CAMSAP1: variants seen among roughly 807,000 people sequenced by gnomAD.
CAMSAP1 encodes the protein calmodulin regulated spectrin associated protein 1, also known as calmodulin-regulated spectrin-associated protein 1.
CAMSAP1 carries 58 observed loss-of-function variants against 143.5 expected under a neutral mutation model. The ratio of observed to expected loss-of-function variants is 0.40; its 90% CI spans 0.33 to 0.50. The LOEUF is 0.50. CAMSAP1 is among the 20% of genes least tolerant of loss of function. CAMSAP1 has a pLI of 0.45. For missense variants in CAMSAP1, 1,969 were observed against 2,115.7 expected (o/e 0.93, Z 1.36); for synonymous variants, 945 against 859.3 (o/e 1.10, Z -1.74).
At chr9:135,855,797 A>C (rs929594601) in intron 5 of CAMSAP1, among the ~76,000 whole-genome samples, 3 of 150,104 alleles carry the variant, frequency 2.0e-5, no homozygotes, top group Non-Finnish European at 4.4e-5. Flanking sequence ...TCACGCCTGT[A>C]ATCCCAGCAC....
At chr9:135,884,069 G>A (rs1838046317) in intron 1 of CAMSAP1, among the ~76,000 whole-genome samples, 1 of 152,170 alleles carries the variant, frequency 6.6e-6, no homozygotes, top group African/African-American at 2.4e-5. Flanking sequence ...GATGTCTGCA[G>A]TCAGACACAT....
chr9:135,817,798 G>A (rs1245052011), intron 14 of CAMSAP1, 179 bp downstream of exon 14: 2 of 596,340 alleles, frequency 3.4e-6, no homozygotes, highest in Non-Finnish European at 5.9e-6. Context: ...ACCAGCTGGG[G>A]AGCCCGTGTG....
intron 7 of CAMSAP1, among the ~76,000 whole-genome samples, chr9:135,828,438 A>G (rs1478705794): frequency 1.3e-5 from 2 of 152,194 alleles, no homozygotes; most frequent in African/African-American, 2.4e-5. Flanking sequence ...GCAACATGTG[A>G]CCAAAAGCCA....
At chr9:135,893,177 AAAG>A (rs1349732936) in intron 1 of CAMSAP1, among the ~76,000 whole-genome samples, 1 of 151,940 alleles carries the variant, frequency 6.6e-6, no homozygotes, top group African/African-American at 2.4e-5. Flanking sequence ...TGAAAGAAGA[AAAG>A]AAGAGAAGAG....
intron 7 of CAMSAP1, among the ~76,000 whole-genome samples, chr9:135,828,919 G>A (rs1335750922): frequency 6.6e-6 from 1 of 152,050 alleles, no homozygotes; most frequent in Non-Finnish European, 1.5e-5. Context: ...CTGAAAGGAC[G>A]GGAAAAAACC....
chr9:135,837,420 C>A (rs1344784530), intron 7 of CAMSAP1, among the ~76,000 whole-genome samples: 2 of 148,624 alleles, frequency 1.3e-5, no homozygotes, highest in Non-Finnish European at 3.0e-5. Context: ...CACGTCATCA[C>A]GCGCTTTCTA....
intron 7 of CAMSAP1, among the ~76,000 whole-genome samples, chr9:135,838,679 TACAG>T (rs1164793894): frequency 6.6e-6 from 1 of 150,760 alleles, no homozygotes; most frequent in Non-Finnish European, 1.5e-5. Context: ...CCACCCGTTC[TACAG>T]ACACACGTCA....
intron 5 of CAMSAP1, among the ~76,000 whole-genome samples, chr9:135,853,580 TC>T (rs1836851958): frequency 6.6e-6 from 1 of 152,230 alleles, no homozygotes; most frequent in South Asian, 2.1e-4. Flanking sequence ...GTTTCAGTCT[TC>T]TCCCAAGAGA....
rs1588443055 is a variant in CAMSAP1, at chr9:135,820,325, CACTG to C, written c.3822+510_3822+513del. Among the ~76,000 whole-genome samples, 2 of 152,170 alleles carry C rather than the reference CACTG, an allele frequency of 1.3e-5. No individual in the cohort carries two copies. Among genetic ancestry groups the C allele is most frequent in the Admixed American group, 1.3e-4 (2 of 15,282 alleles). ...ACGTCACAGCAAACATCATGTGACG[CACTG>C]ACTATTAAAACAGTTCAGTTTACGC... is the stretch of plus-strand genomic sequence containing the variant. On this transcript the variant is annotated intron_variant, in intron 11 of 16. Coordinates refer to ENST00000389532, the MANE Select transcript of CAMSAP1 (RefSeq NM_015447.4). This position sits in a 1 kb window ranked among gnomAD's most constrained non-coding sequence, Gnocchi z 4.4.
intron 3 of CAMSAP1, among the ~76,000 whole-genome samples, chr9:135,875,579 C>G (rs1837714948): frequency 6.6e-6 from 1 of 152,148 alleles, no homozygotes; most frequent in Non-Finnish European, 1.5e-5. Context: ...TCAAGTATTC[C>G]TATAAACCAG....
intron 3 of CAMSAP1, among the ~76,000 whole-genome samples, chr9:135,872,999 G>A (rs189999866): frequency 2.2e-3 from 338 of 152,290 alleles, no homozygotes; most frequent in Non-Finnish European, 3.0e-3. Context: ...AATCTGAACT[G>A]ACACTGAAGA....
In CAMSAP1 at chr9:135,822,282, G is replaced by A; in HGVS notation, c.2379C>T (p.Ser793=). 6.2e-7 allele frequency: 1 copy of A among 1,613,960 alleles called. No homozygotes were observed. Among genetic ancestry groups the A allele is most frequent in the Non-Finnish European group, 8.5e-7 (1 of 1,179,896 alleles). The stretch of plus-strand genomic sequence containing the variant: ...TCTGAGAGGCTGTGCTCAGGCAGGG[G>A]CTCGAGCGGCCGCTGGCGTCATCTT... ...EDKDDASGRS[S]PCLSTASQMS... Residue 793 remains serine (S), a synonymous_variant, in exon 11 of 17, where the codon AGC becomes AGT. Coordinates refer to ENST00000389532, the MANE Select transcript of CAMSAP1 (RefSeq NM_015447.4). The surrounding 1 kb of genome is among the most constrained non-coding windows in gnomAD (Gnocchi z 6.1).
At position 135,822,474 on chromosome 9, in the gene CAMSAP1, C is replaced by T; in HGVS notation, c.2187G>A (p.Glu729=). The change falls in exon 11 of 17, where the codon GAG becomes GAA. Residue 729 remains glutamate, a synonymous_variant. Coordinates refer to ENST00000389532, the MANE Select transcript of CAMSAP1 (RefSeq NM_015447.4). The surrounding 1 kb of genome is among the most constrained non-coding windows in gnomAD (Gnocchi z 6.1). ...CSKSPNSHDS[E]PWTLLRQDSD... ...AATCCTGCCTGAGGAGAGTCCACGG[C>T]TCTGAATCGTGGGAGTTGGGGCTTT... is the stretch of plus-strand genomic sequence containing the variant. 1 of 1,613,966 alleles carries T rather than the reference C, an allele frequency of 6.2e-7. No homozygotes were observed. The highest frequency in any genetic ancestry group is 1.3e-5 in the African/African-American group (1 of 75,068).
Position 135,822,574 on chromosome 9 carries a change from G to A in CAMSAP1, c.2087C>T (p.Ser696Phe), listed in dbSNP as rs757622879. 3.7e-6 allele frequency: 6 copies of A among 1,613,484 alleles called. No homozygotes were observed. In the East Asian group the frequency reaches 1.1e-4, roughly 30 times the overall value. ...TACATGAAGGAAGAAGCCATCCGTG[G>A]ATGGTCCCTGGGGGAACGGATCGAA... ...GGFDPFPQGPSTDGFFLHVGR... is the reference protein window; with the variant it reads ...GGFDPFPQGPFTDGFFLHVGR... Residue 696 changes from serine to phenylalanine, a missense_variant, in exon 11 of 17, where the codon TCC becomes TTC. Around this residue, in one of 4 missense-constraint regions of CAMSAP1, gnomAD observed 1,390 missense variants for 1,420.8 expected, o/e 0.98. Transcript: ENST00000389532. The surrounding 1 kb of genome is among the most constrained non-coding windows in gnomAD (Gnocchi z 6.1).
chr9:135,823,181 T>G lies in CAMSAP1; in HGVS notation c.1480A>C (p.Ser494Arg), dbSNP rs747109124. The G allele has an allele frequency of 1.2e-6, 2 of 1,601,540 alleles. No individual in the cohort carries two copies. The highest frequency in any genetic ancestry group is 2.2e-5 in the South Asian group (2 of 89,458). ...TCTTTGCTGATGGAGCGGGCCAAGC[T>G]GATGCTGTCGCCAGAGCTGGGATCC... ...EVDPSSGDSI[S>R]LARSISKDSL... Residue 494 changes from serine to arginine, a missense_variant, in exon 11 of 17, where the codon AGC becomes CGC. Coordinates refer to ENST00000389532, the MANE Select transcript of CAMSAP1 (RefSeq NM_015447.4).
At chr9:135,859,152 G>A (rs987246302) in intron 5 of CAMSAP1, among the ~76,000 whole-genome samples, 1 of 152,220 alleles carries the variant, frequency 6.6e-6, no homozygotes, top group Non-Finnish European at 1.5e-5. Context: ...GCACTGTGGA[G>A]AATGTACTGA....
At chr9:135,849,994 C>A in intron 7 of CAMSAP1, 143 bp downstream of exon 7, 1 of 607,226 alleles carries the variant, frequency 1.6e-6, no homozygotes, top group Non-Finnish European at 2.7e-6. Flanking sequence ...CCCAAACTCT[C>A]ACGCCCGTCC....
chr9:135,870,167 A>G (rs1389653131), intron 3 of CAMSAP1, among the ~76,000 whole-genome samples: 3 of 152,220 alleles, frequency 2.0e-5, no homozygotes, highest in Non-Finnish European at 2.9e-5. Flanking sequence ...TCTAATCCCC[A>G]TAATTCCCAC....
rs114421425 is a variant in CAMSAP1 at position 135,839,548 on chromosome 9, T to C, written c.1045+10589A>G. The stretch of plus-strand genomic sequence containing the variant: ...AGAGCACAATGCAAGATCCCGGGAC[T>C]GTAGAGCCACAGAGAATCACGCGAC... On this transcript the variant is annotated intron_variant, in intron 7 of 16. Transcript: ENST00000389532. Among the ~76,000 whole-genome samples the C allele has an allele frequency of 5.1e-3, 773 of 152,190 alleles. 6 individuals carry two copies. The highest frequency in any genetic ancestry group is 0.018 in the African/African-American group (743 of 41,526).
Sources: gnomAD v4.1 joint callset for allele counts (sites outside exome capture counted in the v4.1 genomes callset) on GRCh38, gnomAD v4.1.1 for gene constraint, gnomAD v4.1.1 regional missense constraint, Gnocchi (gnomAD v3.1) non-coding constraint, MANE v1.5 for transcripts, NCBI Gene and HGNC (gene_info 2026-07-23, HGNC 2026-07-21) for gene names.